OR2AT4: variants seen among roughly 807,000 people sequenced by gnomAD.
The protein encoded by OR2AT4 is olfactory receptor 2AT4.
A neutral mutation model predicts 10.3 loss-of-function variants in OR2AT4; 6 were observed. The ratio of observed to expected loss-of-function variants is 0.58; its 90% CI spans 0.32 to 1.15. The LOEUF (loss-of-function observed/expected upper bound fraction) is 1.15, where lower values mean the gene tolerates loss of function less well. Ranked by LOEUF, OR2AT4 falls within the 50% of genes most tolerant of loss-of-function variation. The pLI, the probability that OR2AT4 is intolerant of heterozygous loss-of-function variation, is 0.05. For synonymous variants in OR2AT4, 145 were observed against 159.1 expected (o/e 0.91, Z 0.67); for missense variants, 354 against 393.8 (o/e 0.90, Z 0.85).
rs186991154 is a variant in OR2AT4 at position 75,092,456 on chromosome 11, A to T, written c.-651-2092T>A. Among the ~76,000 whole-genome samples, 23 of 152,332 alleles carry T rather than the reference A, an allele frequency of 1.5e-4. No homozygotes were observed. In the East Asian group the frequency reaches 4.4e-3, roughly 29 times the overall value. On this transcript the variant is annotated intron_variant, in intron 1 of 1. Transcript: ENST00000641504. ...AATATTTGGGATAGATAATATATAG[A>T]TATCTATAGATATAAATATAAATCT...
At chr11:75,092,849 C>G (rs1410279241) in intron 1 of OR2AT4, among the ~76,000 whole-genome samples, 1 of 151,258 alleles carries the variant, frequency 6.6e-6, no homozygotes, top group Non-Finnish European at 1.5e-5. Context: ...TGCCTGCAAT[C>G]CCAGCACTTT....
chr11:75,085,866 G>T (rs1237260338), exon 2 of OR2AT4: 1 of 151,892 alleles, frequency 6.6e-6, no homozygotes, highest in Non-Finnish European at 1.5e-5. Context: ...AAAAGCAAAG[G>T]AACTAGAATA....
exon 2 of OR2AT4, chr11:75,088,707 C>T: frequency 6.6e-7 from 1 of 1,514,266 alleles, no homozygotes. Flanking sequence ...GTGCTAAGCA[C>T]TGTTATTTGG....
chr11:75,094,795 T>C (rs956945008), intron 1 of OR2AT4, among the ~76,000 whole-genome samples: 2 of 152,164 alleles, frequency 1.3e-5, no homozygotes, highest in Non-Finnish European at 2.9e-5. Context: ...GACCACTCCA[T>C]TGTGAATGCT....
At position 75,089,287 on chromosome 11, in the gene OR2AT4, G is replaced by A. The variant is rs141486905; in HGVS notation, c.427C>T (p.Pro143Ser). 100 of 1,614,232 alleles carry A rather than the reference G, an allele frequency of 6.2e-5. No homozygotes were observed. In the East Asian group the frequency reaches 6.9e-4, roughly 11 times the overall value. The change falls in exon 2 of 2, where the codon CCA becomes TCA. Residue 143 changes from proline to serine, a missense_variant. Coordinates refer to ENST00000641504, the Ensembl canonical transcript of OR2AT4. Reference sequence around the variant, plus strand: ...GCTGCCAAGGTAGCATTGGTCTGTGGGTTCATGAGGACAGGGTAGTGCAGT... The same window carrying A: ...GCTGCCAAGGTAGCATTGGTCTGTGAGTTCATGAGGACAGGGTAGTGCAGT...
rs560980302 is a variant in OR2AT4, at chr11:75,085,398, T to C, written c.*3353A>G. 7.9e-5 allele frequency: 12 copies of C among 152,204 alleles called. No individual in the cohort carries two copies. The East Asian group carries it at 2.1e-3, about 27-fold the overall frequency. 9.4% of individuals were successfully genotyped at this position (152,204 alleles called of 1,614,324 possible). Reference sequence around the variant, plus strand: ...CTTCCTGAAAGAAAATTCCAGGCCCTGGAAATTTTACAGGCAAATTCTACC... The same window carrying C: ...CTTCCTGAAAGAAAATTCCAGGCCCCGGAAATTTTACAGGCAAATTCTACC... On this transcript the variant is annotated 3_prime_UTR_variant, in exon 2 of 2. Coordinates refer to ENST00000641504, the Ensembl canonical transcript of OR2AT4.
At chr11:75,091,162 C>G (rs967751369) in intron 1 of OR2AT4, among the ~76,000 whole-genome samples, 1 of 152,192 alleles carries the variant, frequency 6.6e-6, no homozygotes, top group East Asian at 1.9e-4. Context: ...GCCAGCCTAC[C>G]TTACTCTACC....
At chr11:75,089,693 A>G in exon 2 of OR2AT4, 1 of 1,612,564 alleles carries the variant, frequency 6.2e-7, no homozygotes, top group East Asian at 2.2e-5. Flanking sequence ...CCACTGATTC[A>G]TTACAGGCTG....
At chr11:75,089,978 G>C (rs1949314268) in exon 2 of OR2AT4, 2 of 431,746 alleles carry the variant, frequency 4.6e-6, no homozygotes, top group Non-Finnish European at 8.1e-6. Context: ...TGTATGCTTT[G>C]TTTAGGTGAT....
At chr11:75,095,741 G>A (rs1048347525) in intron 1 of OR2AT4, among the ~76,000 whole-genome samples, 4 of 145,002 alleles carry the variant, frequency 2.8e-5, no homozygotes, top group East Asian at 4.0e-4. Context: ...GCAGTGGCAC[G>A]ATCTCGGCTC....
exon 2 of OR2AT4, chr11:75,083,077 A>T (rs1949273671): frequency 6.6e-6 from 1 of 151,408 alleles, no homozygotes; most frequent in Non-Finnish European, 1.5e-5. Context: ...AGACTGTCTC[A>T]AAAAAGGAGG....
intron 1 of OR2AT4, among the ~76,000 whole-genome samples, chr11:75,096,422 G>A (rs1949349033): frequency 6.6e-6 from 1 of 152,194 alleles, no homozygotes; most frequent in Non-Finnish European, 1.5e-5. Flanking sequence ...CCATAGAAAA[G>A]GAGCAGGATA....
intron 1 of OR2AT4, among the ~76,000 whole-genome samples, chr11:75,091,699 C>T (rs868401064): frequency 2.3e-4 from 35 of 152,152 alleles, no homozygotes; most frequent in Middle Eastern, 3.4e-3. Flanking sequence ...AAGTGACAGG[C>T]AAAACTAATC....
chr11:75,096,702 T>TGCTGGGAC (rs1284000611), intron 1 of OR2AT4, 126 bp downstream of exon 1: 1 of 152,294 alleles, frequency 6.6e-6, no homozygotes, highest in African/African-American at 2.4e-5. Flanking sequence ...TTGACTTGGA[T>TGCTGGGAC]CCTGGGACCC....
intron 1 of OR2AT4, among the ~76,000 whole-genome samples, chr11:75,091,720 T>C (rs961641225): frequency 2.6e-5 from 4 of 152,220 alleles, no homozygotes; most frequent in Non-Finnish European, 4.4e-5. Context: ...TATGATATTA[T>C]AAATCAGTAC....
rs745346169 is a variant in OR2AT4 at position 75,089,096 on chromosome 11, G to T, written c.618C>A (p.Cys206Ter). ...GGAGGAAGGACACCACCATGGCGAT[G>T]CAGAAGCCCATGAGGGTCTGGGGGG... The change falls in exon 2 of 2, where the codon TGC becomes TGA. Residue 206 changes from cysteine to a stop codon, truncating the protein, a stop_gained. Coordinates refer to ENST00000641504, the Ensembl canonical transcript of OR2AT4. LOFTEE classifies it high-confidence loss of function. The T allele has an allele frequency of 1.1e-5, 17 of 1,613,746 alleles. 1 individual carries two copies. The South Asian group carries it at 1.9e-4, about 18-fold the overall frequency.
intron 1 of OR2AT4, among the ~76,000 whole-genome samples, chr11:75,094,332 CAT>C (rs979364810): frequency 2.0e-5 from 3 of 152,110 alleles, no homozygotes; most frequent in African/African-American, 7.2e-5. Flanking sequence ...TTTCCTTCTC[CAT>C]ATATTTGGCT....
exon 2 of OR2AT4, chr11:75,088,526 C>T (rs936362207): frequency 1.2e-4 from 43 of 363,214 alleles, no homozygotes; most frequent in Non-Finnish European, 1.6e-4. Context: ...CCCTGTGATA[C>T]GTTTTTTATT....
chr11:75,092,165 TA>T (rs772831761), intron 1 of OR2AT4, among the ~76,000 whole-genome samples: 3 of 152,072 alleles, frequency 2.0e-5, no homozygotes, highest in Non-Finnish European at 4.4e-5. Context: ...AGATGTAAAT[TA>T]AAATACAGGA....
Sources: allele counts gnomAD v4.1 joint callset (sites outside exome capture counted in the v4.1 genomes callset), GRCh38; gene constraint gnomAD v4.1.1; transcripts MANE v1.5; gene names NCBI Gene and HGNC (gene_info 2026-07-23, HGNC 2026-07-21).